The following FBN1 variants were observed in gnomAD, a reference collection of about 807,000 sequenced individuals.
FBN1 encodes the protein fibrillin 1.
A neutral mutation model predicts 365.1 loss-of-function variants in FBN1; 29 were observed. The observed-to-expected ratio is 0.08, with a 90% confidence interval of 0.06 to 0.11. The LOEUF is 0.11. FBN1 is among the 10% of genes least tolerant of loss of function. The probability of loss-of-function intolerance (pLI) is 1.00; values close to 1 mark genes in which losing one functional copy is unlikely to be tolerated. For synonymous variants in FBN1, 1,210 were observed against 1,270.5 expected (o/e 0.95, Z 1.01); for missense variants, 2,476 against 3,703.2 (o/e 0.67, Z 8.60).
chr15:48,567,112 C>T (rs148102258), intron 6 of FBN1, among the ~76,000 whole-genome samples: 148 of 152,320 alleles, frequency 9.7e-4, no homozygotes, highest in African/African-American at 3.4e-3. Flanking sequence ...CAGTGCTTTA[C>T]ACCAGACTAA....
chr15:48,577,308 GAATCCCT>G (rs903451787), intron 6 of FBN1, among the ~76,000 whole-genome samples: 2 of 152,122 alleles, frequency 1.3e-5, no homozygotes, highest in Admixed American at 1.3e-4. Context: ...TCAAGATTCT[GAATCCCT>G]AATTACAATT....
intron 2 of FBN1, among the ~76,000 whole-genome samples, chr15:48,615,951 G>A (rs1411437969): frequency 1.3e-5 from 2 of 152,182 alleles, no homozygotes; most frequent in Non-Finnish European, 2.9e-5. Context: ...AGCAGAGAGA[G>A]AGTTCTCTTG....
chr15:48,616,822 T>A (rs1034223071), intron 2 of FBN1, among the ~76,000 whole-genome samples: 1 of 152,154 alleles, frequency 6.6e-6, no homozygotes, highest in Non-Finnish European at 1.5e-5. Context: ...GGGAAATAAC[T>A]TTTTGCTAAG....
chr15:48,465,038 G>C (rs751152555), intron 40 of FBN1, among the ~76,000 whole-genome samples: 8 of 152,200 alleles, frequency 5.3e-5, no homozygotes, highest in Non-Finnish European at 7.3e-5. Flanking sequence ...CATGGCTCAT[G>C]GCTGAAGTGC....
intron 63 of FBN1, among the ~76,000 whole-genome samples, chr15:48,418,929 C>T (rs538470559): frequency 6.6e-6 from 1 of 152,106 alleles, no homozygotes; most frequent in Non-Finnish European, 1.5e-5. Flanking sequence ...GAAAATGGGT[C>T]AACTCTATCT....
At chr15:48,601,197 G>A (rs763406221) in intron 4 of FBN1, among the ~76,000 whole-genome samples, 2 of 152,216 alleles carry the variant, frequency 1.3e-5, no homozygotes, top group Non-Finnish European at 2.9e-5. Flanking sequence ...GACACTCAGA[G>A]AAGCTGGAGT....
At chr15:48,493,507 A>G (rs1046827069) in intron 23 of FBN1, among the ~76,000 whole-genome samples, 1 of 152,198 alleles carries the variant, frequency 6.6e-6, no homozygotes, top group Non-Finnish European at 1.5e-5. Flanking sequence ...TGTACAACAA[A>G]ATATGCTGCT....
At chr15:48,436,876 A>G in intron 53 of FBN1, 85 bp downstream of exon 53, 3 of 850,492 alleles carry the variant, frequency 3.5e-6, no homozygotes, top group Non-Finnish European at 6.2e-6. Flanking sequence ...CCATCTTGGT[A>G]CCTATATTCA....
intron 6 of FBN1, among the ~76,000 whole-genome samples, chr15:48,554,227 A>T (rs1444886852): frequency 6.6e-6 from 1 of 152,196 alleles, no homozygotes; most frequent in South Asian, 2.1e-4. Flanking sequence ...TGGAACGACA[A>T]TCTACATCTT....
At chr15:48,638,793 A>C (rs1890147161) in intron 2 of FBN1, among the ~76,000 whole-genome samples, 1 of 152,212 alleles carries the variant, frequency 6.6e-6, no homozygotes, top group East Asian at 1.9e-4. Context: ...TTGCAACCCT[A>C]TTCAGAGAGA....
At chr15:48,422,109 A>T (rs2042948512) in intron 60 of FBN1, 41 bp from the exon 61 acceptor site, 1 of 1,394,248 alleles carries the variant, frequency 7.2e-7, no homozygotes. Context: ...TCAAGCCAAC[A>T]AAACAGGATC....
At chr15:48,466,116 G>A (rs927100650) in intron 38 of FBN1, among the ~76,000 whole-genome samples, 2 of 152,082 alleles carry the variant, frequency 1.3e-5, no homozygotes, top group Non-Finnish European at 2.9e-5. Flanking sequence ...ACATGTGTGT[G>A]GACTGTTTTA....
intron 44 of FBN1, among the ~76,000 whole-genome samples, chr15:48,456,009 C>A (rs1210619633): frequency 2.0e-5 from 3 of 152,086 alleles, no homozygotes; most frequent in Non-Finnish European, 4.4e-5. Context: ...CCAGTAATGT[C>A]CCTTTTACTA....
chr15:48,462,979 TA>T, intron 42 of FBN1, 102 bp downstream of exon 42: 1 of 1,189,582 alleles, frequency 8.4e-7, no homozygotes, highest in Non-Finnish European at 1.3e-6. Context: ...CCTGTAAAGA[TA>T]AACAATGCAC....
At chr15:48,515,667 G>A (rs908712272) in intron 11 of FBN1, 140 bp from the exon 12 acceptor site, 1 of 1,125,772 alleles carries the variant, frequency 8.9e-7, no homozygotes, top group African/African-American at 1.5e-5. Flanking sequence ...GGTGACAACA[G>A]AGCATATTTC....
chr15:48,645,278 C>G (rs1272991656), intron 1 of FBN1, among the ~76,000 whole-genome samples: 1 of 152,154 alleles, frequency 6.6e-6, no homozygotes, highest in African/African-American at 2.4e-5. Context: ...GCGCTCTGAA[C>G]GCCCCACTCC....
At chr15:48,642,896 G>A (rs1890223916) in intron 2 of FBN1, 1 of 152,138 alleles carries the variant, frequency 6.6e-6, no homozygotes, top group Non-Finnish European at 1.5e-5. Context: ...TAAAACCAGA[G>A]AGAAAAAGCA....
chr15:48,610,442 C>T (rs924952738), intron 4 of FBN1, among the ~76,000 whole-genome samples: 24 of 152,110 alleles, frequency 1.6e-4, no homozygotes, highest in African/African-American at 5.8e-4. Context: ...GGTGTTTACA[C>T]TGGAGATACA....
intron 4 of FBN1, among the ~76,000 whole-genome samples, chr15:48,604,811 C>T (rs1421908344): frequency 6.6e-6 from 1 of 152,188 alleles, no homozygotes; most frequent in African/African-American, 2.4e-5. Flanking sequence ...AATGTCCCCA[C>T]ACTTTCAGGA....
Sources: gnomAD v4.1 joint callset for allele counts (sites outside exome capture counted in the v4.1 genomes callset) on GRCh38, gnomAD v4.1.1 for gene constraint, MANE v1.5 for transcripts, NCBI Gene and HGNC (gene_info 2026-07-23, HGNC 2026-07-21) for gene names.